Variants in ADAMTS15 observed in about 807,000 individuals in gnomAD.
The protein encoded by ADAMTS15 is ADAM metallopeptidase with thrombospondin type 1 motif 15.
Under a neutral mutation model 79.1 loss-of-function variants are expected in ADAMTS15, and 35 were observed. The ratio of observed to expected loss-of-function variants is 0.44; its 90% CI spans 0.34 to 0.59. The LOEUF (loss-of-function observed/expected upper bound fraction) is 0.59. Among genes scored for constraint, ADAMTS15 ranks in the 20% least tolerant of loss-of-function variants. ADAMTS15 has a pLI of 0.02. For synonymous variants in ADAMTS15, 616 were observed against 567.3 expected (o/e 1.09, Z -1.22); for missense variants, 1,324 against 1,318.7 (o/e 1.00, Z -0.06).
intron 4 of ADAMTS15, among the ~76,000 whole-genome samples, chr11:130,465,349 C>G (rs1386134464): frequency 6.6e-6 from 1 of 152,216 alleles, no homozygotes; most frequent in East Asian, 1.9e-4. Context: ...AACCCCATCC[C>G]CTCTCGCTTG....
intron 1 of ADAMTS15, among the ~76,000 whole-genome samples, chr11:130,455,289 C>T (rs1938053130): frequency 6.6e-6 from 1 of 152,138 alleles, no homozygotes; most frequent in Admixed American, 6.5e-5. Flanking sequence ...GCTATGGATC[C>T]CTTGCCAAAC....
At chr11:130,455,897 TC>T (rs764992837) in intron 1 of ADAMTS15, among the ~76,000 whole-genome samples, 52 of 152,232 alleles carry the variant, frequency 3.4e-4, no homozygotes, top group Non-Finnish European at 5.4e-4. Context: ...CCCAGGCCTC[TC>T]CCCACTCAGT....
At chr11:130,464,987 AAAAG>A (rs1367234973) in intron 4 of ADAMTS15, among the ~76,000 whole-genome samples, 1 of 151,980 alleles carries the variant, frequency 6.6e-6, no homozygotes, top group Non-Finnish European at 1.5e-5. Flanking sequence ...AAAAAAAAGA[AAAAG>A]AAAAAAGTAA....
chr11:130,448,935 A>C lies in ADAMTS15; in HGVS notation c.-39A>C, dbSNP rs576278478. ...CGGCAGCGGCCGGAGAGCCCGGCCC[A>C]GCCCCTTCCCACAGCGCGGCGGTGC... On this transcript the variant is annotated 5_prime_UTR_variant, in exon 1 of 8. Coordinates refer to ENST00000299164, the MANE Select transcript of ADAMTS15 (RefSeq NM_139055.4). The C allele has an allele frequency of 9.0e-6, 13 of 1,451,178 alleles. No individual in the cohort carries two copies. In the East Asian group the frequency reaches 3.2e-4, roughly 35 times the overall value. The allele number at this position is 1,451,178 out of a possible 1,614,324, so 89.9% of individuals were successfully genotyped here.
chr11:130,473,109 G>A lies in ADAMTS15; in HGVS notation c.2141G>A (p.Arg714His), dbSNP rs748841671. The A allele has an allele frequency of 2.5e-6, 4 of 1,613,950 alleles. No individual in the cohort carries two copies. The highest frequency in any genetic ancestry group is 2.2e-5 in the South Asian group (2 of 91,090). The change falls in exon 8 of 8, where the codon CGC becomes CAC. Residue 714 changes from arginine (R) to histidine (H), a missense_variant. By Grantham distance (29) the Arg-to-His change is conservative (BLOSUM62 0). Transcript: ENST00000299164. ...AGASSIDIRQ[R>H]GYKGLIGDDN... ...GCCTCAAGCATCGACATCCGCCAGCGCGGTTACAAAGGGCTGATCGGGGAT... is the reference window on the plus strand; with the variant it reads ...GCCTCAAGCATCGACATCCGCCAGCACGGTTACAAAGGGCTGATCGGGGAT...
intron 1 of ADAMTS15, among the ~76,000 whole-genome samples, chr11:130,459,988 A>T (rs7934714): frequency 6.6e-6 from 1 of 152,186 alleles, no homozygotes; most frequent in African/African-American, 2.4e-5. Flanking sequence ...AGGTGGTAGT[A>T]ATAGTCGTTA....
intron 1 of ADAMTS15, 129 bp downstream of exon 1, chr11:130,450,059 C>A (rs147895963): frequency 6.0e-5 from 89 of 1,484,002 alleles, no homozygotes; most frequent in Non-Finnish European, 7.0e-5. Flanking sequence ...TCTTCCGACT[C>A]CAACTCTGTG....
intron 5 of ADAMTS15, among the ~76,000 whole-genome samples, chr11:130,470,184 G>GCA (rs1938415089): frequency 1.2e-4 from 6 of 50,170 alleles, no homozygotes; most frequent in African/African-American, 5.0e-4. Flanking sequence ...ATATATATGT[G>GCA]TGTATATATA....
intron 1 of ADAMTS15, among the ~76,000 whole-genome samples, chr11:130,457,441 T>C (rs1043052189): frequency 3.9e-5 from 6 of 152,154 alleles, no homozygotes; most frequent in Non-Finnish European, 8.8e-5. Flanking sequence ...TCCTTGTTTA[T>C]TTATTTAAGG....
chr11:130,451,148 C>G (rs374936695), intron 1 of ADAMTS15, among the ~76,000 whole-genome samples: 6 of 150,710 alleles, frequency 4.0e-5, no homozygotes, highest in African/African-American at 1.5e-4. Flanking sequence ...ATTTGGGGGA[C>G]TGTGACTTGA....
chr11:130,470,860 T>C (rs1938436180), intron 5 of ADAMTS15, 60 bp from the exon 6 acceptor site: 1 of 1,548,436 alleles, frequency 6.5e-7, no homozygotes, highest in Non-Finnish European at 8.8e-7. Context: ...GGGAGGCTTG[T>C]CCTTTGCACC....
chr11:130,452,709 G>A (rs756592951), intron 1 of ADAMTS15, among the ~76,000 whole-genome samples: 1 of 152,192 alleles, frequency 6.6e-6, no homozygotes, highest in Non-Finnish European at 1.5e-5. Flanking sequence ...TTGGCCGGGC[G>A]CAGTGGCTCA....
chr11:130,454,574 G>A (rs140240517), intron 1 of ADAMTS15, among the ~76,000 whole-genome samples: 4 of 152,092 alleles, frequency 2.6e-5, no homozygotes, highest in African/African-American at 9.7e-5. Flanking sequence ...TCTTGAAGTC[G>A]GGCCTTGGAA....
intron 1 of ADAMTS15, among the ~76,000 whole-genome samples, chr11:130,456,915 C>A (rs544213813): frequency 1.3e-5 from 2 of 152,142 alleles, no homozygotes; most frequent in South Asian, 4.1e-4. Flanking sequence ...CATGAGAATG[C>A]GTATGTCTTC....
At chr11:130,469,523 G>A (rs1938378895) in intron 5 of ADAMTS15, 84 bp downstream of exon 5, 11 of 1,074,410 alleles carry the variant, frequency 1.0e-5, no homozygotes, top group Admixed American at 4.2e-5. Context: ...TCCATGTAAT[G>A]CATGGCCTCC....
rs116897071 is a variant in ADAMTS15 at position 130,462,562 on chromosome 11, T to C, written c.1324T>C (p.Tyr442His). The C allele has an allele frequency of 0.014, 21,799 of 1,612,706 alleles. 724 individuals carry two copies. Among genetic ancestry groups the C allele is most frequent in the Admixed American group, 0.13 (7,777 of 59,984 alleles). The change falls in exon 4 of 8, where the codon TAC becomes CAC. Residue 442 changes from tyrosine to histidine, a missense_variant. By Grantham distance (83) the Tyr-to-His change is moderately conservative. Transcript: ENST00000299164. The surrounding 1 kb of genome is among the most constrained non-coding windows in gnomAD (Gnocchi z 4.3). ...GCCCGAGGATCTGCCGGGCGCCAGC[T>C]ACACCCTGAGCCAGCAGTGCGAGCT... ...SLPEDLPGAS[Y>H]TLSQQCELAF...
chr11:130,449,452 G>C lies in ADAMTS15; in HGVS notation c.479G>C (p.Arg160Pro), dbSNP rs1308392415. Residue 160 changes from arginine (R) to proline (P), a missense_variant, in exon 1 of 8, where the codon CGG becomes CCG. Physicochemically the swap from Arg to Pro is moderately radical, Grantham distance 103. Transcript: ENST00000299164. The surrounding 1 kb of genome is among the most constrained non-coding windows in gnomAD (Gnocchi z 7.8). ...NSQGAHLLQR[R>P]GVPGGPSGDP... Reference sequence around the variant, plus strand: ...CAGGGCGCACACCTTCTCCAGCGCCGGGGTGTTCCGGGCGGGCCTTCCGGA... The same window carrying C: ...CAGGGCGCACACCTTCTCCAGCGCCCGGGTGTTCCGGGCGGGCCTTCCGGA... The C allele has an allele frequency of 1.3e-6, 2 of 1,579,814 alleles. No individual in the cohort carries two copies. Among genetic ancestry groups the C allele is most frequent in the Non-Finnish European group, 1.7e-6 (2 of 1,166,814 alleles).
At position 130,450,080 on chromosome 11, in the gene ADAMTS15, G is replaced by C. The variant is rs1937931912; in HGVS notation, c.957+150G>C. 9.6e-6 allele frequency: 14 copies of C among 1,457,174 alleles called. No homozygotes were observed. The South Asian group carries it at 2.1e-4, about 21-fold the overall frequency. 90.3% of individuals were successfully genotyped at this position (1,457,174 alleles called of 1,614,324 possible). A position where few individuals can be genotyped will look rare whatever the true frequency, so the allele number is the denominator to read the frequency against. Reference sequence around the variant, plus strand: ...GACTCCAACTCTGTGGAGTTTCCAGGGAGAGCCCTCTCCCACGCTCCGCGG... The same window carrying C: ...GACTCCAACTCTGTGGAGTTTCCAGCGAGAGCCCTCTCCCACGCTCCGCGG... On this transcript the variant is annotated intron_variant, in intron 1 of 7. Coordinates refer to ENST00000299164, the MANE Select transcript of ADAMTS15 (RefSeq NM_139055.4).
intron 5 of ADAMTS15, among the ~76,000 whole-genome samples, chr11:130,470,152 G>GTATATATATATATA (rs1157689519): frequency 1.4e-5 from 1 of 73,752 alleles, no homozygotes; most frequent in Non-Finnish European, 2.3e-5. Flanking sequence ...ATATATATAT[G>GTATATATATATATA]TGTATATATA....
Sources: gnomAD v4.1 joint callset for allele counts (sites outside exome capture counted in the v4.1 genomes callset) on GRCh38, gnomAD v4.1.1 for gene constraint, Gnocchi (gnomAD v3.1) non-coding constraint, MANE v1.5 for transcripts, NCBI Gene and HGNC (gene_info 2026-07-23, HGNC 2026-07-21) for gene names.